Variants in ISLR2 observed in about 807,000 individuals in gnomAD.
The protein encoded by ISLR2 is immunoglobulin superfamily containing leucine rich repeat 2.
A neutral mutation model predicts 25.5 loss-of-function variants in ISLR2; 16 were observed. The observed-to-expected ratio is 0.63, with a 90% CI of 0.43 to 0.95. The LOEUF (loss-of-function observed/expected upper bound fraction) is 0.95. Among genes scored for constraint, ISLR2 ranks in the 40% least tolerant of loss-of-function variants. The pLI is 0.00. For synonymous variants in ISLR2, 508 were observed against 486.6 expected (o/e 1.04, Z -0.58); for missense variants, 883 against 1,030.7 (o/e 0.86, Z 1.96).
intron 1 of ISLR2, among the ~76,000 whole-genome samples, chr15:74,100,635 A>G (rs978744108): frequency 2.9e-5 from 4 of 138,666 alleles, no homozygotes; most frequent in Non-Finnish European, 4.6e-5. Context: ...CAAATATATT[A>G]CACATACAGA....
chr15:74,136,915 G>A (rs1324048072), downstream of ISLR2: 1 of 159,762 alleles, frequency 6.3e-6, no homozygotes, highest in Non-Finnish European at 1.5e-5. Context: ...TCTTTTGAGT[G>A]ATTTCCTGTT....
rs762914736 is a variant in ISLR2 at position 74,133,593 on chromosome 15, C to T, written c.839C>T (p.Thr280Ile). ...LQWQLQIPGG[T>I]VVLEPPVLSG... The stretch of plus-strand genomic sequence containing the variant: ...TGGCAACTTCAGATCCCCGGTGGCA[C>T]CGTAGTCTTAGAGCCACCGGTTCTG... Residue 280 changes from threonine to isoleucine, a missense_variant, in exon 3 of 3, where the codon ACC (threonine) becomes ATC (isoleucine). This residue lies in a region of ISLR2 where 612 missense variants were observed against 642.8 expected (regional missense o/e 0.95). Transcript: ENST00000453268. 6.2e-7 allele frequency: 1 copy of T among 1,614,162 alleles called. No homozygotes were observed. Among genetic ancestry groups the T allele is most frequent in the South Asian group, 1.1e-5 (1 of 91,090 alleles).
chr15:74,140,981 A>G (rs1190919673), downstream of ISLR2, among the ~76,000 whole-genome samples: 1 of 152,238 alleles, frequency 6.6e-6, no homozygotes, highest in African/African-American at 2.4e-5. Flanking sequence ...TCCTAATGAG[A>G]CTTGATATGG....
chr15:74,115,559 G>T (rs1331048902), intron 2 of ISLR2, among the ~76,000 whole-genome samples: 2 of 152,176 alleles, frequency 1.3e-5, no homozygotes, highest in Non-Finnish European at 2.9e-5. Context: ...GCCAGGCATG[G>T]TGGTACGCAA....
At chr15:74,139,989 A>AG (rs1363150205), downstream of ISLR2, among the ~76,000 whole-genome samples, 3 of 151,806 alleles carry the variant, frequency 2.0e-5, no homozygotes, top group Non-Finnish European at 4.4e-5. Flanking sequence ...ATTTATCAGG[A>AG]GCAGTAATTC....
At chr15:74,120,471 G>A (rs537888607) in intron 2 of ISLR2, among the ~76,000 whole-genome samples, 17 of 147,960 alleles carry the variant, frequency 1.1e-4, no homozygotes, top group African/African-American at 3.3e-4. Context: ...GCAGTGAGTC[G>A]AGATTGAACC....
At position 74,134,146 on chromosome 15, in the gene ISLR2, C is replaced by T. The variant is rs2072503343; in HGVS notation, c.1392C>T (p.Pro464=). The T allele has an allele frequency of 6.2e-7, 1 of 1,613,488 alleles. No homozygotes were observed. Among genetic ancestry groups the T allele is most frequent in the Non-Finnish European group, 8.5e-7 (1 of 1,179,822 alleles). Residue 464 remains proline, a synonymous_variant, in exon 3 of 3, where the codon CCC becomes CCT. Transcript: ENST00000453268. ...AEEQRCGNGD[P]SRYVSNHAFN... ...AGCAGCGCTGTGGCAACGGGGACCC[C>T]TCTCGGTACGTTTCTAACCACGCGT...
intron 2 of ISLR2, among the ~76,000 whole-genome samples, chr15:74,119,079 A>C (rs1247811951): frequency 1.3e-5 from 2 of 152,252 alleles, no homozygotes; most frequent in East Asian, 1.9e-4. Context: ...CACCTCAAGC[A>C]TTTATCATTT....
At chr15:74,126,647 C>T (rs1433762565), upstream of ISLR2, 1 of 152,166 alleles carries the variant, frequency 6.6e-6, no homozygotes, top group Admixed American at 6.5e-5. Flanking sequence ...CGCGCCTGGT[C>T]AGTACTCTTA....
chr15:74,122,491 C>G (rs1473769026), intron 2 of ISLR2, among the ~76,000 whole-genome samples: 1 of 152,242 alleles, frequency 6.6e-6, no homozygotes, highest in African/African-American at 2.4e-5. Context: ...GATTCATTTT[C>G]ATTCTGGAGC....
chr15:74,133,838 G>A lies in ISLR2; in HGVS notation c.1084G>A (p.Gly362Ser). Residue 362 changes from glycine (G) to serine (S), a missense_variant, in exon 3 of 3, where the codon GGC becomes AGC. Around this residue, in one of 2 missense-constraint regions of ISLR2, gnomAD observed 612 missense variants for 642.8 expected, o/e 0.95. Transcript: ENST00000453268. ...VYTCRAHNEL[G>S]ANSTSIRVAV... Reference sequence around the variant, plus strand: ...CACTTGCCGTGCACACAATGAGCTGGGCGCCAACTCTACGTCAATACGCGT... The same window carrying A: ...CACTTGCCGTGCACACAATGAGCTGAGCGCCAACTCTACGTCAATACGCGT... 2.5e-6 allele frequency: 4 copies of A among 1,613,790 alleles called. No individual in the cohort carries two copies. Among genetic ancestry groups the A allele is most frequent in the Non-Finnish European group, 3.4e-6 (4 of 1,179,922 alleles).
upstream of ISLR2, among the ~76,000 whole-genome samples, chr15:74,124,966 T>C (rs2072281962): frequency 6.6e-6 from 1 of 152,178 alleles, no homozygotes; most frequent in South Asian, 2.1e-4. Context: ...CTTCCTGCTT[T>C]GTGAGACGAT....
rs1192179825 is a variant in ISLR2, at chr15:74,132,206, T to C, written c.-8-541T>C. On this transcript the variant is annotated intron_variant, in intron 2 of 2. Coordinates refer to ENST00000453268, the MANE Select transcript of ISLR2 (RefSeq NM_020851.3). This position sits in a 1 kb window ranked among gnomAD's most constrained non-coding sequence, Gnocchi z 4.3. ...TTTAGGAAATGTGTTGTGAGCCTCC[T>C]AATTGAGCATCAGGTCCTCTAAACC... Among the ~76,000 whole-genome samples the C allele has an allele frequency of 6.6e-6, 1 of 152,214 alleles. No homozygotes were observed. The highest frequency in any genetic ancestry group is 2.4e-5 in the African/African-American group (1 of 41,452).
At chr15:74,128,387 C>T, upstream of ISLR2, 1 of 442,128 alleles carries the variant, frequency 2.3e-6, no homozygotes, top group Non-Finnish European at 4.5e-6. Flanking sequence ...TCCGGGCCCG[C>T]GGGAGTCAGC....
At chr15:74,121,147 C>G (rs2072249535) in intron 2 of ISLR2, among the ~76,000 whole-genome samples, 1 of 152,166 alleles carries the variant, frequency 6.6e-6, no homozygotes. Context: ...CTCTACCTGA[C>G]AGGGTCACCC....
chr15:74,134,206 C>A lies in ISLR2; in HGVS notation c.1452C>A (p.Phe484Leu). ...GCGCAGAGCTCAAGCCGCACGTCTT[C>A]GAGCTGGGCGTCATCGCGCTGGATG... ...NQSAELKPHVFELGVIALDVA... is the reference protein window; with the variant it reads ...NQSAELKPHVLELGVIALDVA... Residue 484 changes from phenylalanine to leucine, a missense_variant, in exon 3 of 3, where the codon TTC becomes TTA. Phe to Leu is a conservative substitution (Grantham distance 22). Around this residue, in one of 2 missense-constraint regions of ISLR2, gnomAD observed 612 missense variants for 642.8 expected, o/e 0.95. Coordinates refer to ENST00000453268, the MANE Select transcript of ISLR2 (RefSeq NM_020851.3). The A allele has an allele frequency of 1.9e-6, 3 of 1,608,776 alleles. No homozygotes were observed. Among genetic ancestry groups the A allele is most frequent in the Non-Finnish European group, 2.5e-6 (3 of 1,177,904 alleles).
rs1326543664 is a variant in ISLR2 at position 74,135,242 on chromosome 15, A to C, written c.*250A>C. ...CCCCGCCAAGCACAGTGTTTATCTTACCCCATGCAAGACTCCACCCGCAGA... is the reference window on the plus strand; with the variant it reads ...CCCCGCCAAGCACAGTGTTTATCTTCCCCCATGCAAGACTCCACCCGCAGA... On this transcript the variant is annotated 3_prime_UTR_variant, in exon 3 of 3. Transcript: ENST00000453268. The C allele has an allele frequency of 1.9e-6, 1 of 529,150 alleles. No homozygotes were observed. The highest frequency in any genetic ancestry group is 3.5e-6 in the Non-Finnish European group (1 of 285,990). The allele number at this position is 529,150 out of a possible 1,614,324, so 32.8% of individuals were successfully genotyped here.
downstream of ISLR2, among the ~76,000 whole-genome samples, chr15:74,140,720 T>A (rs1227993832): frequency 6.6e-6 from 1 of 152,204 alleles, no homozygotes; most frequent in Non-Finnish European, 1.5e-5. Context: ...AAGGTATAGA[T>A]AAGAGAAATC....
chr15:74,110,049 C>T (rs34622399), intron 2 of ISLR2, among the ~76,000 whole-genome samples: 2,605 of 152,218 alleles, frequency 0.017, 22 homozygotes, highest in Non-Finnish European at 0.027. Flanking sequence ...CTGCCTTGGC[C>T]TCCTAAAAGT....
Sources: gnomAD v4.1 joint callset for allele counts (sites outside exome capture counted in the v4.1 genomes callset) on GRCh38, gnomAD v4.1.1 for gene constraint, gnomAD v4.1.1 regional missense constraint, Gnocchi (gnomAD v3.1) non-coding constraint, MANE v1.5 for transcripts, NCBI Gene and HGNC (gene_info 2026-07-23, HGNC 2026-07-21) for gene names.